CYRIB: variants seen among roughly 807,000 people sequenced by gnomAD.
CYRIB encodes CYFIP related Rac1 interactor B, also known as CYFIP-related Rac1 interactor B.
In CYRIB, 8 loss-of-function variants were observed where a neutral mutation model predicts 44.2. The observed-to-expected ratio is 0.18, with a 90% CI of 0.11 to 0.33. The LOEUF is 0.33. Among genes scored for constraint, CYRIB ranks in the 10% least tolerant of loss-of-function variants. CYRIB has a pLI of 1.00. For synonymous variants in CYRIB, 131 were observed against 127.2 expected, an observed-to-expected ratio of 1.03 and a Z score of -0.20; for missense variants, 185 against 382.8, an observed-to-expected ratio of 0.48 and a Z score of 4.31.
chr8:129,840,605 G>A (rs2035866935), exon 12 of CYRIB: 1 of 152,250 alleles, frequency 6.6e-6, no homozygotes, highest in Non-Finnish European at 1.5e-5. Flanking sequence ...CATGAAGGAG[G>A]TAATAGAAGC....
intron 2 of CYRIB, among the ~76,000 whole-genome samples, chr8:129,901,231 T>A (rs768745184): frequency 1.2e-4 from 18 of 152,266 alleles, no homozygotes; most frequent in Non-Finnish European, 2.5e-4. Flanking sequence ...GATACCTTTT[T>A]TTTTTGAGAG....
intron 1 of CYRIB, among the ~76,000 whole-genome samples, chr8:130,006,812 G>C (rs2097112481): frequency 6.7e-6 from 1 of 150,078 alleles, no homozygotes; most frequent in Non-Finnish European, 1.5e-5. Context: ...TATAGAAAAT[G>C]GGTGGGGGGA....
intron 1 of CYRIB, among the ~76,000 whole-genome samples, chr8:129,979,149 T>C (rs1416570237): frequency 6.6e-6 from 1 of 151,644 alleles, no homozygotes; most frequent in Non-Finnish European, 1.5e-5. Flanking sequence ...TCAAAATAAA[T>C]AAATAAATTA....
At chr8:129,907,552 C>G (rs2076058129) in intron 1 of CYRIB, among the ~76,000 whole-genome samples, 1 of 151,994 alleles carries the variant, frequency 6.6e-6, no homozygotes, top group Non-Finnish European at 1.5e-5. Context: ...TGTAACAAAC[C>G]TGCACATTGT....
At chr8:129,984,375 T>G (rs2096371088) in intron 1 of CYRIB, among the ~76,000 whole-genome samples, 1 of 152,100 alleles carries the variant, frequency 6.6e-6, no homozygotes, top group South Asian at 2.1e-4. Context: ...AGCATCCAAG[T>G]GCGGGAGGCC....
At chr8:129,930,612 G>A (rs1024060980) in intron 1 of CYRIB, among the ~76,000 whole-genome samples, 1 of 151,546 alleles carries the variant, frequency 6.6e-6, no homozygotes, top group Admixed American at 6.6e-5. Context: ...TGTCACCATC[G>A]CACATACCAT....
At chr8:129,922,646 G>A (rs1490082460) in intron 1 of CYRIB, among the ~76,000 whole-genome samples, 1 of 144,524 alleles carries the variant, frequency 6.9e-6, no homozygotes, top group South Asian at 2.3e-4. Context: ...GGCGGATCAC[G>A]AGGTCAGGAG....
chr8:129,884,370 C>T lies in CYRIB; in HGVS notation c.-10-4899G>A, dbSNP rs536550493. 7.2e-5 allele frequency among the ~76,000 whole-genome samples: 11 copies of T among 152,234 alleles called. No homozygotes were observed. In the South Asian group the frequency reaches 2.1e-3, roughly 29 times the overall value. ...ATGGTACAATCTCGGCTCACTGCAA[C>T]CTTCGCCTCCCAGGTTCAAGTGATT... On this transcript the variant is annotated intron_variant, in intron 2 of 11. Coordinates refer to ENST00000519824, the Ensembl canonical transcript of CYRIB.
intron 1 of CYRIB, among the ~76,000 whole-genome samples, chr8:129,911,661 T>C (rs2078105284): frequency 1.3e-5 from 2 of 151,552 alleles, no homozygotes; most frequent in African/African-American, 2.4e-5. Context: ...TTAGCCCGAC[T>C]GTGGTGGTGT....
At chr8:129,974,610 C>G (rs906092621) in intron 1 of CYRIB, among the ~76,000 whole-genome samples, 26 of 151,670 alleles carry the variant, frequency 1.7e-4, no homozygotes, top group African/African-American at 5.6e-4. Context: ...AACAATTGAG[C>G]CTCCCAAACC....
intron 1 of CYRIB, among the ~76,000 whole-genome samples, chr8:130,002,737 A>G (rs1233416944): frequency 6.6e-6 from 1 of 152,218 alleles, no homozygotes; most frequent in Admixed American, 6.5e-5. Flanking sequence ...TGGCTAAAGC[A>G]TAACTGGTTT....
chr8:129,897,849 T>C (rs1285762935), intron 2 of CYRIB, among the ~76,000 whole-genome samples: 1 of 152,096 alleles, frequency 6.6e-6, no homozygotes, highest in East Asian at 1.9e-4. Flanking sequence ...CACTGCAATC[T>C]CTGCCTCCTG....
intron 1 of CYRIB, among the ~76,000 whole-genome samples, chr8:129,923,941 C>T (rs1332118094): frequency 6.7e-6 from 1 of 149,802 alleles, no homozygotes; most frequent in Non-Finnish European, 1.5e-5. Context: ...GTGATGTTAC[C>T]TTTTTACAAA....
upstream of CYRIB, among the ~76,000 whole-genome samples, chr8:129,942,771 T>C (rs186977489): frequency 9.2e-5 from 14 of 152,356 alleles, no homozygotes; most frequent in East Asian, 2.7e-3. Context: ...CGCTCTTGAC[T>C]TGTTTTCTTC....
At chr8:129,893,697 T>G (rs1045584990) in intron 2 of CYRIB, among the ~76,000 whole-genome samples, 15 of 152,160 alleles carry the variant, frequency 9.9e-5, no homozygotes, top group Non-Finnish European at 1.5e-4. Flanking sequence ...AATTAGTATC[T>G]TTTTAAAAAA....
exon 12 of CYRIB, chr8:129,841,514 T>C (rs1039886083): frequency 6.6e-6 from 1 of 152,646 alleles, no homozygotes; most frequent in Non-Finnish European, 1.5e-5. Flanking sequence ...CAACAGCCAT[T>C]CTTTAGACAT....
At chr8:129,977,332 T>C (rs1413859206) in intron 1 of CYRIB, among the ~76,000 whole-genome samples, 2 of 152,200 alleles carry the variant, frequency 1.3e-5, no homozygotes, top group Non-Finnish European at 2.9e-5. Flanking sequence ...ACATGAACTC[T>C]GCTATGCTTC....
At chr8:129,949,101 A>G (rs1313590173) in intron 2 of CYRIB, 1 of 152,130 alleles carries the variant, frequency 6.6e-6, no homozygotes, top group Non-Finnish European at 1.5e-5. Context: ...AGAATTCTTA[A>G]TTGTGTCTAT....
intron 1 of CYRIB, among the ~76,000 whole-genome samples, chr8:130,016,053 C>T (rs1254434399): frequency 6.6e-6 from 1 of 151,494 alleles, no homozygotes; most frequent in East Asian, 1.9e-4. Context: ...GCGCACAAGG[C>T]GCCGGCTCCG....
Sources: gnomAD v4.1 joint callset for allele counts (sites outside exome capture counted in the v4.1 genomes callset) on GRCh38, gnomAD v4.1.1 for gene constraint, MANE v1.5 for transcripts, NCBI Gene and HGNC (gene_info 2026-07-23, HGNC 2026-07-21) for gene names.